Variants in YIPF2 observed in about 807,000 individuals in gnomAD.
The protein encoded by YIPF2 is protein YIPF2.
In YIPF2, 30 loss-of-function variants were observed where a neutral mutation model predicts 38.8. That is an observed-to-expected ratio of 0.77 (90% CI 0.58 to 1.05). YIPF2 has a LOEUF of 1.05. YIPF2 is among the 50% of genes least tolerant of loss of function. YIPF2 has a pLI of 0.00. For missense variants in YIPF2, 401 were observed against 409.7 expected (o/e 0.98, Z 0.18); for synonymous variants, 194 against 183.8 (o/e 1.06, Z -0.45).
intron 5 of YIPF2, among the ~76,000 whole-genome samples, chr19:10,925,003 G>C (rs924405939): frequency 6.6e-6 from 1 of 152,006 alleles, no homozygotes; most frequent in East Asian, 1.9e-4. Flanking sequence ...AGGCCGAGGC[G>C]GGTGGATCAC....
chr19:10,928,546 G>C lies in YIPF2; in HGVS notation c.-66C>G. 8.4e-7 allele frequency: 1 copy of C among 1,189,068 alleles called. No homozygotes were observed. Among genetic ancestry groups the C allele is most frequent in the Non-Finnish European group, 1.1e-6 (1 of 905,540 alleles). The allele number at this position is 1,189,068 out of a possible 1,614,324, so 73.7% of individuals were successfully genotyped here. On this transcript the variant is annotated 5_prime_UTR_variant, in exon 1 of 10. Transcript: ENST00000586748. ...ACTGCACCCACGGAGGCTTGAACTC[G>C]TCGTCCCGTCCCCACAGGTGCGCTC...
In YIPF2 at chr19:10,927,820, C is replaced by G. The variant is rs755979844; in HGVS notation, c.171G>C (p.Glu57Asp). ...GGSYGAEDEV[E>D]EESDKAALLQ... ...TCACCGCGGCCTTGTCACTCTCCTC[C>G]TCCACCTCATCCTCGGCTCCATAGC... The change falls in exon 3 of 10, where the codon GAG becomes GAC. Residue 57 changes from glutamate (E) to aspartate (D), a missense_variant. Physicochemically the swap from Glu to Asp is conservative, Grantham distance 45. Coordinates refer to ENST00000586748, the MANE Select transcript of YIPF2 (RefSeq NM_001321439.2). 6.2e-7 allele frequency: 1 copy of G among 1,608,430 alleles called. No homozygotes were observed. Among genetic ancestry groups the G allele is most frequent in the Non-Finnish European group, 8.5e-7 (1 of 1,176,570 alleles).
Position 10,927,923 on chromosome 19 carries a change from G to A in YIPF2, c.68C>T (p.Pro23Leu). 4.3e-6 allele frequency: 7 copies of A among 1,610,746 alleles called. No homozygotes were observed. The highest frequency in any genetic ancestry group is 5.9e-6 in the Non-Finnish European group (7 of 1,177,382). The change falls in exon 3 of 10, where the codon CCA becomes CTA. Residue 23 changes from proline to leucine, a missense_variant. By Grantham distance (98) the Pro-to-Leu change is moderately conservative. Transcript: ENST00000586748. ...EEATNLLADT[P>L]DAATTSRSDQ... The stretch of plus-strand genomic sequence containing the variant: ...GCTTCTGCTGGTGGTGGCTGCATCT[G>A]GGGTGTCAGCCAGAAGATTAGTGGC...
At chr19:10,928,012 G>A in intron 2 of YIPF2, 53 bp from the exon 3 acceptor site, 1 of 1,569,904 alleles carries the variant, frequency 6.4e-7, no homozygotes. Context: ...GAAAGAACTC[G>A]ACTGGGCCCA....
Position 10,923,878 on chromosome 19 carries a change from A to G in YIPF2, c.606T>C (p.Thr202=), listed in dbSNP as rs749893315. 6.2e-7 allele frequency: 1 copy of G among 1,613,358 alleles called. No homozygotes were observed. The highest frequency in any genetic ancestry group is 8.5e-7 in the Non-Finnish European group (1 of 1,179,648). Residue 202 remains threonine, a synonymous_variant, in exon 7 of 10, where the codon ACT becomes ACC. Coordinates refer to ENST00000586748, the MANE Select transcript of YIPF2 (RefSeq NM_001321439.2). ...AGAGGGAGTAGCCGTAGATGCACAC[A>G]GTCTCCAGGAAGGTGTAGGGCCCCA... ...ERMGPYTFLE[T]VCIYGYSLFV... is the part of the protein sequence containing the mutation.
At chr19:10,925,641 T>C (rs2083410930) in intron 5 of YIPF2, 45 bp downstream of exon 5, 1 of 1,611,182 alleles carries the variant, frequency 6.2e-7, no homozygotes, top group South Asian at 1.1e-5. Context: ...CAGGCCACAC[T>C]TGTTGAGTGA....
chr19:10,923,375 G>T lies in YIPF2; in HGVS notation c.867C>A (p.Asn289Lys). 6.2e-7 allele frequency: 1 copy of T among 1,613,566 alleles called. No homozygotes were observed. The highest frequency in any genetic ancestry group is 8.5e-7 in the Non-Finnish European group (1 of 1,179,766). ...ATGTGATTTGGGGTGGAGGAGCCAC[G>T]TTCTCCGGAGGCAGCGACTGGAAGA... ...LYFFQSLPPE[N>K]VAPPPQITSL... The change falls in exon 9 of 10, where the codon AAC (asparagine) becomes AAA (lysine). Residue 289 changes from asparagine to lysine, a missense_variant. By Grantham distance (94) the Asn-to-Lys change is moderately conservative. Transcript: ENST00000586748.
chr19:10,925,096 G>T (rs1245039753), intron 5 of YIPF2, among the ~76,000 whole-genome samples: 1 of 152,066 alleles, frequency 6.6e-6, no homozygotes, highest in African/African-American at 2.4e-5. Context: ...GCCGGGCATG[G>T]TGGCACGTGC....
rs1472261842 is a variant in YIPF2, at chr19:10,928,542, A to C, written c.-62T>G. ...ACCAACTGCACCCACGGAGGCTTGAACTCGTCGTCCCGTCCCCACAGGTGC... is the reference window on the plus strand; with the variant it reads ...ACCAACTGCACCCACGGAGGCTTGACCTCGTCGTCCCGTCCCCACAGGTGC... On this transcript the variant is annotated 5_prime_UTR_variant, in exon 1 of 10. Coordinates refer to ENST00000586748, the MANE Select transcript of YIPF2 (RefSeq NM_001321439.2). 14 of 1,223,160 alleles carry C rather than the reference A, an allele frequency of 1.1e-5. No individual in the cohort carries two copies. In the East Asian group the frequency reaches 3.8e-4, roughly 33 times the overall value. 75.8% of individuals were successfully genotyped at this position (1,223,160 alleles called of 1,614,324 possible). A position where few individuals can be genotyped will look rare whatever the true frequency, so the allele number is the denominator to read the frequency against.
At chr19:10,925,586 CT>C (rs2083410046) in intron 5 of YIPF2, 99 bp downstream of exon 5, 2 of 1,397,966 alleles carry the variant, frequency 1.4e-6, no homozygotes, top group African/African-American at 2.8e-5. Context: ...GTCACACTGT[CT>C]GAGTGACTGA....
rs370024955 is a variant in YIPF2, at chr19:10,923,479, C to G, written c.834+16G>C. The G allele has an allele frequency of 1.9e-6, 3 of 1,612,446 alleles. No homozygotes were observed. In the African/African-American group the frequency reaches 4.0e-5, roughly 22 times the overall value. On this transcript the variant is annotated intron_variant, in intron 8 of 9. Transcript: ENST00000586748. The stretch of plus-strand genomic sequence containing the variant: ...CTAGCCCCTCGGCCCCACCTGTGGC[C>G]ACCCCAGACCCGTACCTTACAGCCC...
At chr19:10,924,054 T>C in intron 6 of YIPF2, 22 bp downstream of exon 6, 1 of 1,613,274 alleles carries the variant, frequency 6.2e-7, no homozygotes, top group Non-Finnish European at 8.5e-7. Context: ...CTGCCAGGCA[T>C]TGGGCCTGCC....
Position 10,923,463 on chromosome 19 carries a change from C to T in YIPF2, c.834+32G>A, listed in dbSNP as rs370088413. 1.1e-5 allele frequency: 18 copies of T among 1,612,766 alleles called. No individual in the cohort carries two copies. In the East Asian group the frequency reaches 1.8e-4, roughly 16 times the overall value. On this transcript the variant is annotated intron_variant, in intron 8 of 9. Coordinates refer to ENST00000586748, the MANE Select transcript of YIPF2 (RefSeq NM_001321439.2). Reference sequence around the variant, plus strand: ...GCCAGCCCATGCCCCCCTAGCCCCTCGGCCCCACCTGTGGCCACCCCAGAC... The same window carrying T: ...GCCAGCCCATGCCCCCCTAGCCCCTTGGCCCCACCTGTGGCCACCCCAGAC...
Position 10,928,374 on chromosome 19 carries a change from A to T in YIPF2, c.31+6T>A. 5.3e-6 allele frequency: 7 copies of T among 1,328,570 alleles called. No homozygotes were observed. The highest frequency in any genetic ancestry group is 6.8e-6 in the Non-Finnish European group (7 of 1,034,272). The allele number at this position is 1,328,570 out of a possible 1,614,324, so 82.3% of individuals were successfully genotyped here. A position where few individuals can be genotyped will look rare whatever the true frequency, so the allele number is the denominator to read the frequency against. ...GGAGATCCGGCCACGTCGGGGCCGC[A>T]CTCACCATGGAAGGTCAGCTCGTCG... is the stretch of plus-strand genomic sequence containing the variant. On this transcript the variant is annotated splice_donor_region_variant and intron_variant, in intron 2 of 9. Transcript: ENST00000586748.
In YIPF2 at chr19:10,923,454, C is replaced by T. The variant is rs1040437976; in HGVS notation, c.834+41G>A. On this transcript the variant is annotated intron_variant, in intron 8 of 9. Transcript: ENST00000586748. The stretch of plus-strand genomic sequence containing the variant: ...AGAGGCAGGGCCAGCCCATGCCCCC[C>T]TAGCCCCTCGGCCCCACCTGTGGCC... The T allele has an allele frequency of 6.2e-6, 10 of 1,612,926 alleles. No individual in the cohort carries two copies. The African/African-American group carries it at 1.3e-4, about 22-fold the overall frequency.
At chr19:10,925,872 T>G in intron 4 of YIPF2, 99 bp from the exon 5 acceptor site, 1 of 1,047,060 alleles carries the variant, frequency 9.6e-7, no homozygotes, top group Non-Finnish European at 1.4e-6. Flanking sequence ...TCTCTTTCCA[T>G]GCCCCACCTG....
Position 10,923,996 on chromosome 19 carries a change from G to A in YIPF2, c.488C>T (p.Thr163Ile), listed in dbSNP as rs767021147. The A allele has an allele frequency of 6.2e-7, 1 of 1,612,788 alleles. No individual in the cohort carries two copies. Among genetic ancestry groups the A allele is most frequent in the Non-Finnish European group, 8.5e-7 (1 of 1,179,416 alleles). Residue 163 changes from threonine (T) to isoleucine (I), a missense_variant, in exon 7 of 10, where the codon ACC (threonine) becomes ATC (isoleucine). By Grantham distance (89) the Thr-to-Ile change is moderately conservative. Transcript: ENST00000586748. ...IHYSPQFHKV[T>I]VAGISIYCYA... ...GCAGTAGATGCTGATGCCTGCCACG[G>A]TCACTGGGGGGGGCAAGGTGAGCAG...
Position 10,923,910 on chromosome 19 carries a change from C to T in YIPF2, c.574G>A (p.Glu192Lys). Residue 192 changes from glutamate to lysine, a missense_variant, in exon 7 of 10, where the codon GAG becomes AAG. Glu to Lys is a moderately conservative substitution (Grantham distance 56, BLOSUM62 1). Coordinates refer to ENST00000586748, the MANE Select transcript of YIPF2 (RefSeq NM_001321439.2). ...AGGAAGGTGTAGGGCCCCATGCGCT[C>T]CTGGACACCCTTGCGCCACCGCAGG... ...GFLRWRKGVQ[E>K]RMGPYTFLET... 8 of 1,613,294 alleles carry T rather than the reference C, an allele frequency of 5.0e-6. No individual in the cohort carries two copies. The highest frequency in any genetic ancestry group is 6.8e-6 in the Non-Finnish European group (8 of 1,179,704).
intron 5 of YIPF2, among the ~76,000 whole-genome samples, chr19:10,924,453 T>C (rs1041835829): frequency 1.3e-5 from 2 of 152,038 alleles, no homozygotes. Context: ...CACCTCCTCT[T>C]TGACTCTCTG....
Sources: allele counts gnomAD v4.1 joint callset (sites outside exome capture counted in the v4.1 genomes callset), GRCh38; gene constraint gnomAD v4.1.1; transcripts MANE v1.5; gene names NCBI Gene and HGNC (gene_info 2026-07-23, HGNC 2026-07-21).